The following FAM135B variants were observed in gnomAD, a reference collection of about 807,000 sequenced individuals.
FAM135B encodes family with sequence similarity 135 member B.
Under a neutral mutation model 127.7 loss-of-function variants are expected in FAM135B, and 43 were observed. The ratio of observed to expected loss-of-function variants is 0.34; its 90% CI spans 0.26 to 0.43. The LOEUF (loss-of-function observed/expected upper bound fraction) is 0.43. FAM135B is among the 20% of genes least tolerant of loss of function. FAM135B has a pLI of 1.00. For missense variants in FAM135B, 1,558 were observed against 1,725.6 expected (o/e 0.90, Z 1.72); for synonymous variants, 670 against 665.1 (o/e 1.01, Z -0.11).
At chr8:138,358,862 G>C (rs1008441787) in intron 2 of FAM135B, among the ~76,000 whole-genome samples, 2 of 152,032 alleles carry the variant, frequency 1.3e-5, no homozygotes, top group South Asian at 2.1e-4. Flanking sequence ...GGGCCCTGTG[G>C]GTGGCTCTGA....
rs1818282918 is a variant in FAM135B at position 138,152,686 on chromosome 8, C to A, written c.1789G>T (p.Val597Leu). 2 of 1,614,166 alleles carry A rather than the reference C, an allele frequency of 1.2e-6. No individual in the cohort carries two copies. The highest frequency in any genetic ancestry group is 1.7e-6 in the Non-Finnish European group (2 of 1,180,022). The change falls in exon 13 of 20, where the codon GTA becomes TTA. Residue 597 changes from valine (V) to leucine (L), a missense_variant. Physicochemically the swap from Val to Leu is conservative, Grantham distance 32 (BLOSUM62 1). This residue lies in a region of FAM135B where 923 missense variants were observed against 865.3 expected (regional missense o/e 1.07). Transcript: ENST00000395297. ...LDRTGLSKVV[V>L]GGSHQNAISS... ...ATGGCATTTTGGTGGCTTCCACCTA[C>A]TACCACTTTGCTTAGCCCAGTCCTG...
intron 2 of FAM135B, among the ~76,000 whole-genome samples, chr8:138,330,928 C>T (rs113881011): frequency 0.012 from 1,868 of 151,946 alleles, 39 homozygotes; most frequent in African/African-American, 0.042. Context: ...CTTCAATCTC[C>T]GCCTCCAGGG....
At chr8:138,224,785 G>T (rs1230394359) in intron 7 of FAM135B, among the ~76,000 whole-genome samples, 1 of 152,114 alleles carries the variant, frequency 6.6e-6, no homozygotes, top group African/African-American at 2.4e-5. Flanking sequence ...TTAATACCCT[G>T]AAGGACATTA....
intron 1 of FAM135B, among the ~76,000 whole-genome samples, chr8:138,454,783 G>A (rs954306028): frequency 2.6e-5 from 4 of 152,160 alleles, no homozygotes; most frequent in Admixed American, 1.3e-4. Flanking sequence ...TAACTACTGC[G>A]GACCTACTGT....
chr8:138,156,198 T>C (rs949490510), intron 12 of FAM135B, among the ~76,000 whole-genome samples: 5 of 152,222 alleles, frequency 3.3e-5, no homozygotes, highest in African/African-American at 1.2e-4. Context: ...GAATGACTAC[T>C]GGGTTCATAA....
At chr8:138,171,381 A>T (rs1044505657) in intron 11 of FAM135B, among the ~76,000 whole-genome samples, 1 of 152,062 alleles carries the variant, frequency 6.6e-6, no homozygotes, top group African/African-American at 2.4e-5. Flanking sequence ...AGCTCAACCA[A>T]AGGCAGTTGT....
At chr8:138,234,576 A>C (rs1292254920) in intron 7 of FAM135B, among the ~76,000 whole-genome samples, 1 of 152,262 alleles carries the variant, frequency 6.6e-6, no homozygotes, top group African/African-American at 2.4e-5. Flanking sequence ...ATGTAACCAC[A>C]GGGATGAACC....
chr8:138,139,231 C>T, intron 17 of FAM135B, 135 bp from the exon 18 acceptor site: 1 of 583,972 alleles, frequency 1.7e-6, no homozygotes, highest in Non-Finnish European at 3.0e-6. Context: ...GGCATACTAG[C>T]AAATAGTTGG....
chr8:138,256,813 A>T, intron 4 of FAM135B, 54 bp from the exon 5 acceptor site: 1 of 1,365,524 alleles, frequency 7.3e-7, no homozygotes, highest in Non-Finnish European at 1.0e-6. Flanking sequence ...TGTCCAAATG[A>T]AATACTTAGC....
At chr8:138,233,380 T>C (rs923373155) in intron 7 of FAM135B, among the ~76,000 whole-genome samples, 1 of 152,172 alleles carries the variant, frequency 6.6e-6, no homozygotes, top group Admixed American at 6.5e-5. Context: ...CATATACAAC[T>C]GATCTTGGAT....
chr8:138,315,818 C>T (rs188683313), intron 2 of FAM135B, among the ~76,000 whole-genome samples: 8 of 151,680 alleles, frequency 5.3e-5, no homozygotes, highest in Non-Finnish European at 8.8e-5. Context: ...AAGTCAAACA[C>T]GCAGAAAGAG....
intron 1 of FAM135B, among the ~76,000 whole-genome samples, chr8:138,415,366 A>G (rs1353326354): frequency 6.6e-6 from 1 of 152,166 alleles, no homozygotes; most frequent in Non-Finnish European, 1.5e-5. Context: ...CCCTTCCCAC[A>G]ATGTTGAACT....
intron 3 of FAM135B, among the ~76,000 whole-genome samples, chr8:138,299,581 A>T (rs1414935178): frequency 8.2e-6 from 1 of 122,202 alleles, no homozygotes; most frequent in Non-Finnish European, 1.9e-5. Flanking sequence ...ATACACATAC[A>T]CACATACACA....
At chr8:138,374,983 TAACAAC>T (rs58875296) in intron 1 of FAM135B, among the ~76,000 whole-genome samples, 3,811 of 150,354 alleles carry the variant, frequency 0.025, 69 homozygotes, top group East Asian at 0.11. Flanking sequence ...CTGGGAAAAT[TAACAAC>T]AACAACAACA....
intron 17 of FAM135B, among the ~76,000 whole-genome samples, chr8:138,140,062 T>C (rs749439939): frequency 1.3e-5 from 2 of 152,232 alleles, no homozygotes; most frequent in Admixed American, 1.3e-4. Flanking sequence ...GATTCCTTTA[T>C]AACTGTGGGG....
chr8:138,273,366 C>A (rs1353033601), intron 3 of FAM135B, among the ~76,000 whole-genome samples: 2 of 152,018 alleles, frequency 1.3e-5, no homozygotes, highest in African/African-American at 4.8e-5. Context: ...CCACCATGCC[C>A]GGCTAATTTT....
At chr8:138,404,274 T>C (rs1222129063) in intron 1 of FAM135B, among the ~76,000 whole-genome samples, 2 of 152,192 alleles carry the variant, frequency 1.3e-5, no homozygotes, top group African/African-American at 4.8e-5. Flanking sequence ...TTATGTTTAA[T>C]TAAAAAAATG....
chr8:138,377,766 T>G (rs1457674962), intron 1 of FAM135B, among the ~76,000 whole-genome samples: 1 of 152,216 alleles, frequency 6.6e-6, no homozygotes, highest in Non-Finnish European at 1.5e-5. Flanking sequence ...ATGTGCTGCC[T>G]TTTCTCTAGG....
chr8:138,390,065 T>C (rs1832456259), intron 1 of FAM135B, among the ~76,000 whole-genome samples: 1 of 152,216 alleles, frequency 6.6e-6, no homozygotes, highest in Non-Finnish European at 1.5e-5. Context: ...TTGTTCACCA[T>C]TTAGGATTTC....
Sources: gnomAD v4.1 joint callset for allele counts (sites outside exome capture counted in the v4.1 genomes callset) on GRCh38, gnomAD v4.1.1 for gene constraint, gnomAD v4.1.1 regional missense constraint, MANE v1.5 for transcripts, NCBI Gene and HGNC (gene_info 2026-07-23, HGNC 2026-07-21) for gene names.